The following UBASH3B variants were observed in gnomAD, a reference collection of about 807,000 sequenced individuals.
UBASH3B encodes the protein ubiquitin associated and SH3 domain containing B.
In UBASH3B, 37 loss-of-function variants were observed where a neutral mutation model predicts 83.4. The ratio of observed to expected loss-of-function variants is 0.44; its 90% CI spans 0.34 to 0.58. The LOEUF is 0.58. UBASH3B is among the 20% of genes least tolerant of loss of function. UBASH3B has a pLI of 0.01. For missense variants in UBASH3B, 657 were observed against 827.2 expected, an observed-to-expected ratio of 0.79 and a Z score of 2.52; for synonymous variants, 304 against 318.3, an observed-to-expected ratio of 0.96 and a Z score of 0.48.
chr11:122,729,057 G>T (rs957083538), intron 1 of UBASH3B, among the ~76,000 whole-genome samples: 7 of 152,156 alleles, frequency 4.6e-5, no homozygotes, highest in African/African-American at 1.7e-4. Context: ...ATCAAATCAT[G>T]AAAAGTAGAG....
intron 9 of UBASH3B, among the ~76,000 whole-genome samples, chr11:122,798,017 G>T (rs565459699): frequency 2.0e-5 from 3 of 152,242 alleles, no homozygotes; most frequent in African/African-American, 7.2e-5. Context: ...AGGCGTGATG[G>T]CTCTCACCTA....
intron 1 of UBASH3B, among the ~76,000 whole-genome samples, chr11:122,666,564 G>A (rs545089286): frequency 3.2e-4 from 48 of 151,838 alleles, no homozygotes; most frequent in African/African-American, 9.4e-4. Context: ...GATTACAGGC[G>A]CGCGCCTCCA....
intron 1 of UBASH3B, among the ~76,000 whole-genome samples, chr11:122,760,041 C>G (rs913074251): frequency 1.3e-5 from 2 of 152,206 alleles, no homozygotes; most frequent in African/African-American, 4.8e-5. Context: ...TATACATATA[C>G]CTTTAACATC....
chr11:122,772,617 T>G (rs1468067014), intron 1 of UBASH3B, among the ~76,000 whole-genome samples: 1 of 152,104 alleles, frequency 6.6e-6, no homozygotes, highest in African/African-American at 2.4e-5. Context: ...ATGAGAGATA[T>G]CTCTGTGACC....
Position 122,808,090 on chromosome 11 carries a change from C to A in UBASH3B, c.1726C>A (p.His576Asn), listed in dbSNP as rs1565574754. The A allele has an allele frequency of 6.2e-7, 1 of 1,614,000 alleles. No individual in the cohort carries two copies. Among genetic ancestry groups the A allele is most frequent in the Non-Finnish European group, 8.5e-7 (1 of 1,179,984 alleles). Residue 576 changes from histidine to asparagine, a missense_variant, in exon 13 of 14, where the codon CAC becomes AAC. By Grantham distance (68) the His-to-Asn change is moderately conservative. Coordinates refer to ENST00000284273, the MANE Select transcript of UBASH3B (RefSeq NM_032873.5). ...SKGNNILIVAHASSLEACTCQ... is the reference protein window; with the variant it reads ...SKGNNILIVANASSLEACTCQ... Reference sequence around the variant, plus strand: ...AGGAAATAACATCCTGATTGTGGCCCACGCATCTTCCCTTGAAGCGTGTAC... The same window carrying A: ...AGGAAATAACATCCTGATTGTGGCCAACGCATCTTCCCTTGAAGCGTGTAC...
chr11:122,718,986 A>G (rs1266172455), intron 1 of UBASH3B, among the ~76,000 whole-genome samples: 1 of 152,228 alleles, frequency 6.6e-6, no homozygotes, highest in East Asian at 1.9e-4. Flanking sequence ...GCAGTGAGCC[A>G]TGATTGATCC....
chr11:122,725,341 A>AAAG (rs1555140840), intron 1 of UBASH3B, among the ~76,000 whole-genome samples: 3 of 144,234 alleles, frequency 2.1e-5, no homozygotes, highest in East Asian at 2.0e-4. Context: ...AAAAAAAAAA[A>AAAG]AAAGAAAAGA....
chr11:122,739,240 T>G (rs567916591), intron 1 of UBASH3B, among the ~76,000 whole-genome samples: 2 of 152,298 alleles, frequency 1.3e-5, no homozygotes, highest in East Asian at 3.9e-4. Context: ...TCAACCTGTT[T>G]TAGAAAAATT....
intron 1 of UBASH3B, among the ~76,000 whole-genome samples, chr11:122,679,210 G>C: frequency 6.6e-6 from 1 of 152,244 alleles, no homozygotes; most frequent in Non-Finnish European, 1.5e-5. Flanking sequence ...GGAGGGGATA[G>C]TGTAGGTGAA....
intron 1 of UBASH3B, among the ~76,000 whole-genome samples, chr11:122,713,841 C>G (rs756076187): frequency 6.6e-6 from 1 of 152,112 alleles, no homozygotes; most frequent in Non-Finnish European, 1.5e-5. Context: ...TTACTGAACT[C>G]CACCAGTAAC....
intron 1 of UBASH3B, among the ~76,000 whole-genome samples, chr11:122,685,272 T>C (rs921379527): frequency 1.2e-4 from 18 of 152,344 alleles, no homozygotes; most frequent in Non-Finnish European, 2.2e-4. Context: ...ATGTAGCTTT[T>C]TGAGAGCAAA....
Position 122,777,205 on chromosome 11 carries a change from T to G in UBASH3B, c.397T>G (p.Phe133Val). The G allele has an allele frequency of 6.2e-7, 1 of 1,610,998 alleles. No individual in the cohort carries two copies. Among genetic ancestry groups the G allele is most frequent in the Non-Finnish European group, 8.5e-7 (1 of 1,178,112 alleles). The change falls in exon 3 of 14, where the codon TTT (phenylalanine) becomes GTT (valine). Residue 133 changes from phenylalanine to valine, a missense_variant. Around this residue, in one of 3 missense-constraint regions of UBASH3B, gnomAD observed 573 missense variants for 739.0 expected, o/e 0.78. Transcript: ENST00000284273. ...IFPHITLCQF[F>V]MCEDSKVDAL... ...CCCCCACATCACACTCTGCCAGTTCTTTATGGTGAGCGGCAGCGCCCCCAC... is the reference window on the plus strand; with the variant it reads ...CCCCCACATCACACTCTGCCAGTTCGTTATGGTGAGCGGCAGCGCCCCCAC...
chr11:122,717,264 A>G (rs1860540825), intron 1 of UBASH3B, among the ~76,000 whole-genome samples: 1 of 152,076 alleles, frequency 6.6e-6, no homozygotes, highest in South Asian at 2.1e-4. Flanking sequence ...CCAAATCCTC[A>G]TTGCCTGTCC....
chr11:122,796,801 T>A, intron 8 of UBASH3B, 110 bp from the exon 9 acceptor site: 1 of 1,457,928 alleles, frequency 6.9e-7, no homozygotes, highest in Non-Finnish European at 9.5e-7. Flanking sequence ...GAGCTCAGTG[T>A]GATCTCTTTG....
At chr11:122,665,998 G>T (rs1863510787) in intron 1 of UBASH3B, among the ~76,000 whole-genome samples, 2 of 152,178 alleles carry the variant, frequency 1.3e-5, no homozygotes, top group South Asian at 2.1e-4. Flanking sequence ...AGCAACTGTG[G>T]CAGTGAACTC....
At chr11:122,786,469 C>A (rs1329635720) in intron 5 of UBASH3B, among the ~76,000 whole-genome samples, 8 of 152,000 alleles carry the variant, frequency 5.3e-5, no homozygotes, top group Non-Finnish European at 1.2e-4. Flanking sequence ...CCAGCCTGGC[C>A]AACACAGTGA....
Position 122,747,581 on chromosome 11 carries a change from C to T in UBASH3B, c.162-28638C>T, listed in dbSNP as rs564055850. On this transcript the variant is annotated intron_variant, in intron 1 of 13. Coordinates refer to ENST00000284273, the MANE Select transcript of UBASH3B (RefSeq NM_032873.5). ...CGTTGGGACTGCTGTGAGAAAGAAGCGGGATAACATATTATAAACAATAGC... is the reference window on the plus strand; with the variant it reads ...CGTTGGGACTGCTGTGAGAAAGAAGTGGGATAACATATTATAAACAATAGC... Among the ~76,000 whole-genome samples the T allele has an allele frequency of 5.9e-5, 9 of 152,240 alleles. No homozygotes were observed. The South Asian group carries it at 8.3e-4, about 14-fold the overall frequency.
intron 1 of UBASH3B, chr11:122,773,957 T>G: frequency 5.1e-6 from 5 of 985,300 alleles, no homozygotes; most frequent in Non-Finnish European, 6.0e-6. Flanking sequence ...CAGTTGTTTT[T>G]GGAACAATGG....
chr11:122,773,004 G>C (rs563388681), intron 1 of UBASH3B, among the ~76,000 whole-genome samples: 2 of 152,236 alleles, frequency 1.3e-5, no homozygotes, highest in Non-Finnish European at 2.9e-5. Context: ...ACTGATTGCT[G>C]TAATTTGTTG....
Sources: gnomAD v4.1 joint callset for allele counts (sites outside exome capture counted in the v4.1 genomes callset) on GRCh38, gnomAD v4.1.1 for gene constraint, gnomAD v4.1.1 regional missense constraint, MANE v1.5 for transcripts, NCBI Gene and HGNC (gene_info 2026-07-23, HGNC 2026-07-21) for gene names.